Variants in DNAJB4 observed in about 807,000 individuals in gnomAD.
DNAJB4 encodes dnaJ homolog subfamily B member 4.
Under a neutral mutation model 26.6 loss-of-function variants are expected in DNAJB4, and 10 were observed. That is an observed-to-expected ratio of 0.38 (90% CI 0.23 to 0.64). DNAJB4 has a LOEUF of 0.64. DNAJB4 is among the 30% of genes least tolerant of loss of function. The probability of loss-of-function intolerance (pLI) is 0.58; values close to 1 mark genes in which losing one functional copy is unlikely to be tolerated. For missense variants in DNAJB4, 328 were observed against 408.2 expected (o/e 0.80, Z 1.69); for synonymous variants, 136 against 134.8 (o/e 1.01, Z -0.06).
At chr1:77,988,304 T>C (rs1659848501) in intron 1 of DNAJB4, among the ~76,000 whole-genome samples, 1 of 152,170 alleles carries the variant, frequency 6.6e-6, no homozygotes, top group South Asian at 2.1e-4. Context: ...ATTACAGGTC[T>C]GAGCCACTGT....
At chr1:77,991,834 T>C (rs1044798506) in intron 1 of DNAJB4, among the ~76,000 whole-genome samples, 3 of 152,084 alleles carry the variant, frequency 2.0e-5, no homozygotes, top group African/African-American at 7.2e-5. Context: ...AAAATTCAGG[T>C]GTTAGGTAAG....
chr1:78,014,985 C>T (rs553270962), intron 2 of DNAJB4, among the ~76,000 whole-genome samples: 30 of 152,246 alleles, frequency 2.0e-4, no homozygotes, highest in African/African-American at 7.2e-4. Flanking sequence ...TACCTACCTG[C>T]TACTGCCCAA....
At chr1:78,010,121 G>A (rs1248554343) in intron 1 of DNAJB4, among the ~76,000 whole-genome samples, 1 of 152,174 alleles carries the variant, frequency 6.6e-6, no homozygotes, top group Admixed American at 6.5e-5. Flanking sequence ...AGAGGAGGAA[G>A]AGGTTTTCCA....
chr1:78,013,680 G>GT, intron 2 of DNAJB4, 61 bp downstream of exon 2: 1 of 1,282,878 alleles, frequency 7.8e-7, no homozygotes. Flanking sequence ...CATAGGGAGT[G>GT]TATCTAGATA....
In DNAJB4 at chr1:77,992,201, C is replaced by T. The variant is rs555228252; in HGVS notation, c.-32+11879C>T. 3.0e-3 allele frequency among the ~76,000 whole-genome samples: 450 copies of T among 151,800 alleles called. 2 individuals carry two copies. Among genetic ancestry groups the T allele is most frequent in the African/African-American group, 0.01 (432 of 41,444 alleles). On this transcript the variant is annotated intron_variant, in intron 1 of 2. Transcript: ENST00000426517. ...GGCCGAGGCGGGCGGATCACGAGGTCAGGAGATCGAGACCATCCCGGCTAA... is the reference window on the plus strand; with the variant it reads ...GGCCGAGGCGGGCGGATCACGAGGTTAGGAGATCGAGACCATCCCGGCTAA...
chr1:78,013,659 A>G, intron 2 of DNAJB4, 40 bp downstream of exon 2: 1 of 1,434,816 alleles, frequency 7.0e-7, no homozygotes, highest in African/African-American at 1.4e-5. Flanking sequence ...CCAAATAATT[A>G]TGTAGTTGAT....
chr1:77,994,107 A>C (rs1011589026), intron 1 of DNAJB4, among the ~76,000 whole-genome samples: 1 of 152,206 alleles, frequency 6.6e-6, no homozygotes, highest in South Asian at 2.1e-4. Flanking sequence ...GATTTAAATT[A>C]AATCATTTGA....
At chr1:78,000,843 G>T (rs1432409153), upstream of DNAJB4, among the ~76,000 whole-genome samples, 7 of 152,128 alleles carry the variant, frequency 4.6e-5, no homozygotes, top group Non-Finnish European at 8.8e-5. Flanking sequence ...AATTAGCTGG[G>T]CGTGGTGGCA....
At position 78,013,328 on chromosome 1, in the gene DNAJB4, A is replaced by G. The variant is rs1171989338; in HGVS notation, c.489A>G (p.Glu163=). The G allele has an allele frequency of 1.2e-6, 2 of 1,614,168 alleles. No homozygotes were observed. Among genetic ancestry groups the G allele is most frequent in the East Asian group, 2.2e-5 (1 of 44,886 alleles). Residue 163 remains glutamate, a synonymous_variant, in exon 2 of 3, where the codon GAA becomes GAG. Transcript: ENST00000370763. ...AACAAGATCCTCCAGTTATTCATGAACTTAGAGTATCACTTGAAGAGATAT... is the reference window on the plus strand; with the variant it reads ...AACAAGATCCTCCAGTTATTCATGAGCTTAGAGTATCACTTGAAGAGATAT... ...RLKQDPPVIH[E]LRVSLEEIYS... is the part of the protein sequence containing the mutation.
At chr1:78,015,313 G>T (rs1449450210) in intron 2 of DNAJB4, among the ~76,000 whole-genome samples, 1 of 152,036 alleles carries the variant, frequency 6.6e-6, no homozygotes, top group East Asian at 1.9e-4. Flanking sequence ...GTTCTTTCTA[G>T]TCCTGAATTT....
upstream of DNAJB4, among the ~76,000 whole-genome samples, chr1:78,002,292 C>G (rs1032426124): frequency 6.6e-6 from 1 of 152,082 alleles, no homozygotes; most frequent in African/African-American, 2.4e-5. Flanking sequence ...AACCCCTCCC[C>G]CAAATTGCCG....
chr1:78,006,046 A>G (rs1420657829), intron 1 of DNAJB4, among the ~76,000 whole-genome samples: 3 of 152,244 alleles, frequency 2.0e-5, no homozygotes, highest in African/African-American at 7.2e-5. Flanking sequence ...TAGTTAGAAT[A>G]ATTACTGATT....
At chr1:77,997,901 C>T (rs1660100078) in intron 1 of DNAJB4, among the ~76,000 whole-genome samples, 2 of 152,166 alleles carry the variant, frequency 1.3e-5, no homozygotes, top group Admixed American at 1.3e-4. Context: ...GATCCTTTCA[C>T]CTCAGCCTCC....
intron 1 of DNAJB4, among the ~76,000 whole-genome samples, chr1:78,010,920 A>G (rs1044050379): frequency 1.3e-5 from 2 of 152,230 alleles, no homozygotes; most frequent in Non-Finnish European, 1.5e-5. Context: ...AAGCATGAAT[A>G]CCTACCATTT....
chr1:78,009,484 G>A (rs1320814327), intron 1 of DNAJB4, among the ~76,000 whole-genome samples: 2 of 152,144 alleles, frequency 1.3e-5, no homozygotes, highest in Non-Finnish European at 2.9e-5. Context: ...TGCTTCTCTG[G>A]TGCGTTTTTT....
chr1:77,982,916 C>T (rs1017876270), intron 1 of DNAJB4, among the ~76,000 whole-genome samples: 3 of 152,224 alleles, frequency 2.0e-5, no homozygotes, highest in Non-Finnish European at 4.4e-5. Flanking sequence ...GGTTGCCCCT[C>T]CACACCTGTG....
intron 1 of DNAJB4, among the ~76,000 whole-genome samples, chr1:77,994,653 A>G (rs985845668): frequency 1.3e-5 from 2 of 151,756 alleles, no homozygotes; most frequent in Admixed American, 6.6e-5. Flanking sequence ...GGCCACATAT[A>G]AGAAAAGAGT....
intron 1 of DNAJB4, among the ~76,000 whole-genome samples, chr1:77,999,433 T>A (rs2102600101): frequency 6.6e-6 from 1 of 151,484 alleles, no homozygotes; most frequent in Admixed American, 6.6e-5. Context: ...AGAACAGGTT[T>A]TTTTTTTTTT....
At chr1:77,992,210 G>A (rs1401102384) in intron 1 of DNAJB4, among the ~76,000 whole-genome samples, 12 of 151,516 alleles carry the variant, frequency 7.9e-5, no homozygotes, top group African/African-American at 2.7e-4. Flanking sequence ...TCAGGAGATC[G>A]AGACCATCCC....
Sources: allele counts gnomAD v4.1 joint callset (sites outside exome capture counted in the v4.1 genomes callset), GRCh38; gene constraint gnomAD v4.1.1; transcripts MANE v1.5; gene names NCBI Gene and HGNC (gene_info 2026-07-23, HGNC 2026-07-21).